Variants in MLIP observed in about 807,000 individuals in gnomAD.
MLIP encodes muscular LMNA interacting protein.
A neutral mutation model predicts 84.8 loss-of-function variants in MLIP; 79 were observed. That is an observed-to-expected ratio of 0.93 (90% CI 0.78 to 1.12). MLIP has a LOEUF of 1.12. Ranked by LOEUF, MLIP falls within the 50% of genes most tolerant of loss-of-function variation. The pLI, the probability that MLIP is intolerant of heterozygous loss-of-function variation, is 0.00. For synonymous variants in MLIP, 504 were observed against 463.0 expected, an observed-to-expected ratio of 1.09 and a Z score of -1.14; for missense variants, 1,257 against 1,160.6, an observed-to-expected ratio of 1.08 and a Z score of -1.21.
At position 54,138,024 on chromosome 6, in the gene MLIP, CCT is replaced by C. The variant is rs1771967516; in HGVS notation, c.1960_1961del (p.Leu654SerfsTer42). Reference sequence around the variant, plus strand: ...CTCCCTGTCTCCAGTGCTGACTTTGCCTCTCTTCCCAACTTGAGGTCCTCCTC... The same window carrying C: ...CTCCCTGTCTCCAGTGCTGACTTTGCCTCTTCCCAACTTGAGGTCCTCCTC... On this transcript the variant is annotated frameshift_variant, in exon 4 of 14. Transcript: ENST00000502396. LOFTEE classifies it high-confidence loss of function. 1 of 1,536,132 alleles carries C rather than the reference CCT, an allele frequency of 6.5e-7. No individual in the cohort carries two copies. Among genetic ancestry groups the C allele is most frequent in the East Asian group, 2.4e-5 (1 of 40,914 alleles).
chr6:54,263,262 T>C (rs2150908278), intron 13 of MLIP, among the ~76,000 whole-genome samples: 1 of 152,198 alleles, frequency 6.6e-6, no homozygotes, highest in Non-Finnish European at 1.5e-5. Context: ...AACATTTTAC[T>C]CTTTAGAGTC....
intron 1 of MLIP, among the ~76,000 whole-genome samples, chr6:54,055,973 A>G (rs9357785): frequency 0.98 from 149,248 of 152,280 alleles, 73,171 homozygotes; most frequent in East Asian, 1. Context: ...TTACCAGGTA[A>G]ATGGTTGTTG....
At chr6:54,192,000 TA>T (rs1398619265) in intron 10 of MLIP, among the ~76,000 whole-genome samples, 1 of 149,974 alleles carries the variant, frequency 6.7e-6, no homozygotes, top group Non-Finnish European at 1.5e-5. Context: ...TATATGTGTA[TA>T]TATATATATA....
intron 12 of MLIP, among the ~76,000 whole-genome samples, chr6:54,251,810 T>C (rs1460478715): frequency 1.1e-5 from 1 of 94,928 alleles, no homozygotes; most frequent in Non-Finnish European, 1.8e-5. Context: ...ATATATATAT[T>C]ATAACAGATA....
chr6:54,215,447 T>G (rs1438430677), intron 11 of MLIP: 1 of 1,175,668 alleles, frequency 8.5e-7, no homozygotes, highest in African/African-American at 1.6e-5. Context: ...TTTCTTTAAA[T>G]TTTTTCCAAG....
At chr6:54,258,059 C>T (rs114055583) in intron 13 of MLIP, among the ~76,000 whole-genome samples, 111 of 152,036 alleles carry the variant, frequency 7.3e-4, no homozygotes, top group African/African-American at 2.6e-3. Context: ...ACAGTGTTTT[C>T]TTCTTTACAT....
chr6:54,113,126 A>G (rs1188399467), intron 1 of MLIP, among the ~76,000 whole-genome samples: 3 of 152,170 alleles, frequency 2.0e-5, no homozygotes, highest in Non-Finnish European at 4.4e-5. Flanking sequence ...GAAGACTTTC[A>G]TATATTATTT....
At chr6:54,122,115 C>T (rs1770507135) in intron 2 of MLIP, among the ~76,000 whole-genome samples, 1 of 151,880 alleles carries the variant, frequency 6.6e-6, no homozygotes. Flanking sequence ...TATAACCTTT[C>T]AATAATCTAA....
chr6:54,188,308 G>A (rs1646400159), intron 9 of MLIP, among the ~76,000 whole-genome samples: 1 of 151,858 alleles, frequency 6.6e-6, no homozygotes, highest in Admixed American at 6.6e-5. Flanking sequence ...CTTACTGTAG[G>A]TTTTTTATTT....
At chr6:54,166,189 G>A (rs539464246) in intron 8 of MLIP, among the ~76,000 whole-genome samples, 14 of 152,072 alleles carry the variant, frequency 9.2e-5, no homozygotes, top group Admixed American at 8.5e-4. Context: ...ACAGATGCAA[G>A]AATGTTTGTA....
intron 1 of MLIP, among the ~76,000 whole-genome samples, chr6:54,114,054 G>T (rs996722402): frequency 6.6e-6 from 1 of 152,104 alleles, no homozygotes; most frequent in African/African-American, 2.4e-5. Context: ...TTTGTTTCTG[G>T]TCAGCCCTCT....
chr6:54,098,218 C>A (rs1234539034), intron 1 of MLIP, among the ~76,000 whole-genome samples: 1 of 147,974 alleles, frequency 6.8e-6, no homozygotes, highest in Non-Finnish European at 1.5e-5. Flanking sequence ...TGAAGTGGCA[C>A]GATCATAGCT....
intron 2 of MLIP, among the ~76,000 whole-genome samples, chr6:54,123,224 C>A (rs1031555439): frequency 9.2e-5 from 14 of 152,120 alleles, no homozygotes. Flanking sequence ...CTTGAGCCAC[C>A]GCGCCCGGCT....
At chr6:54,185,269 T>C (rs993792814) in intron 9 of MLIP, among the ~76,000 whole-genome samples, 1 of 152,240 alleles carries the variant, frequency 6.6e-6, no homozygotes, top group Non-Finnish European at 1.5e-5. Context: ...AAGTCACTAT[T>C]CTTCCTCTTT....
chr6:54,132,480 G>T (rs1771464534), intron 3 of MLIP, among the ~76,000 whole-genome samples: 1 of 152,182 alleles, frequency 6.6e-6, no homozygotes, highest in African/African-American at 2.4e-5. Context: ...GAAAGGGAAT[G>T]AAGATGATAC....
Position 54,189,885 on chromosome 6 carries a change from C to G in MLIP, c.2560C>G (p.Pro854Ala), listed in dbSNP as rs776438472. 6.2e-7 allele frequency: 1 copy of G among 1,603,288 alleles called. No individual in the cohort carries two copies. Among genetic ancestry groups the G allele is most frequent in the South Asian group, 1.1e-5 (1 of 90,624 alleles). ...TGTTTTGCAGGCAAATCTCTCCTCA[C>G]CATCTTCTACAGTATCTGAGAGTCA... is the stretch of plus-strand genomic sequence containing the variant. ...RETKYANLSS[P>A]SSTVSESQLT... Residue 854 changes from proline (P) to alanine (A), a missense_variant, in exon 10 of 14, where the codon CCA (proline) becomes GCA (alanine). By Grantham distance (27) the Pro-to-Ala change is conservative. Transcript: ENST00000502396.
At chr6:54,161,030 A>G (rs1774586291) in intron 8 of MLIP, among the ~76,000 whole-genome samples, 1 of 152,044 alleles carries the variant, frequency 6.6e-6, no homozygotes, top group Non-Finnish European at 1.5e-5. Context: ...AAGTGTATAC[A>G]GGGTTGCAAA....
intron 9 of MLIP, among the ~76,000 whole-genome samples, chr6:54,188,288 T>C (rs1339166310): frequency 6.6e-6 from 1 of 152,188 alleles, no homozygotes; most frequent in African/African-American, 2.4e-5. Flanking sequence ...CAACAATAAA[T>C]TAACCTTAGC....
rs1178276705 is a variant in MLIP, at chr6:54,064,700, A to C, written c.63+45609A>C. ...TTGAAGCATTAGGGAGTTAAACTGT[A>C]TAGATACACCAGATTGTTACTTCTG... On this transcript the variant is annotated intron_variant, in intron 1 of 12. Coordinates refer to the MLIP transcript ENST00000274897. Among the ~76,000 whole-genome samples the C allele has an allele frequency of 4.0e-5, 4 of 99,526 alleles. 1 individual carries two copies. Among genetic ancestry groups the C allele is most frequent in the African/African-American group, 1.0e-4 (4 of 39,002 alleles). 65.3% of individuals were successfully genotyped at this position (99,526 alleles called of 152,430 possible).
Sources: allele counts gnomAD v4.1 joint callset (sites outside exome capture counted in the v4.1 genomes callset), GRCh38; gene constraint gnomAD v4.1.1; transcripts MANE v1.5; gene names NCBI Gene and HGNC (gene_info 2026-07-23, HGNC 2026-07-21).